The following XPO4 variants were observed in gnomAD, a reference collection of about 807,000 sequenced individuals.
XPO4 encodes the protein exportin 4.
Under a neutral mutation model 143.0 loss-of-function variants are expected in XPO4, and 39 were observed. The ratio of observed to expected loss-of-function variants is 0.27; its 90% confidence interval spans 0.21 to 0.36. XPO4 has a LOEUF of 0.36. XPO4 is among the 10% of genes least tolerant of loss of function. XPO4 has a pLI of 1.00. For synonymous variants in XPO4, 439 were observed against 474.0 expected (o/e 0.93, Z 0.96); for missense variants, 907 against 1,348.0 (o/e 0.67, Z 5.12).
chr13:20,843,556 G>A (rs1207623848), intron 5 of XPO4, among the ~76,000 whole-genome samples: 1 of 152,168 alleles, frequency 6.6e-6, no homozygotes, highest in Non-Finnish European at 1.5e-5. Flanking sequence ...TAGAAGTATT[G>A]TTTTTAAGAC....
intron 1 of XPO4, among the ~76,000 whole-genome samples, chr13:20,888,778 A>G (rs1202476592): frequency 6.6e-6 from 1 of 152,112 alleles, no homozygotes; most frequent in African/African-American, 2.4e-5. Context: ...CAATTATGAG[A>G]TAAGTCAGAG....
At chr13:20,844,496 A>G (rs756927360) in intron 4 of XPO4, among the ~76,000 whole-genome samples, 1 of 152,216 alleles carries the variant, frequency 6.6e-6, no homozygotes, top group Non-Finnish European at 1.5e-5. Flanking sequence ...TCCCAGACTA[A>G]AACAGTCAAG....
chr13:20,896,398 GCT>G (rs1197042474), intron 1 of XPO4, among the ~76,000 whole-genome samples: 5 of 152,150 alleles, frequency 3.3e-5, no homozygotes. Context: ...ATTTAATTCA[GCT>G]CTTTTATATT....
rs182398696 is a variant in XPO4 at position 20,897,610 on chromosome 13, T to C, written c.69+5060A>G. Among the ~76,000 whole-genome samples the C allele has an allele frequency of 4.6e-5, 7 of 152,326 alleles. No individual in the cohort carries two copies. In the East Asian group the frequency reaches 1.3e-3, roughly 29 times the overall value. On this transcript the variant is annotated intron_variant, in intron 1 of 22. Transcript: ENST00000255305. Reference sequence around the variant, plus strand: ...TCTCCTCAGCATACACAGCATAGTGTCTAACATGCTGTGTTTCTATATACT... The same window carrying C: ...TCTCCTCAGCATACACAGCATAGTGCCTAACATGCTGTGTTTCTATATACT...
At chr13:20,835,101 C>T (rs535443517) in intron 6 of XPO4, among the ~76,000 whole-genome samples, 3 of 152,282 alleles carry the variant, frequency 2.0e-5, no homozygotes, top group East Asian at 3.9e-4. Flanking sequence ...AACTCCTAAG[C>T]TCAAGCCATA....
At chr13:20,835,696 T>C (rs1040381349) in intron 6 of XPO4, among the ~76,000 whole-genome samples, 1 of 152,224 alleles carries the variant, frequency 6.6e-6, no homozygotes, top group Non-Finnish European at 1.5e-5. Flanking sequence ...TATAGTTCAG[T>C]TGACCCTTGA....
chr13:20,863,985 T>A (rs2060223904), intron 2 of XPO4, among the ~76,000 whole-genome samples: 1 of 152,132 alleles, frequency 6.6e-6, no homozygotes, highest in South Asian at 2.1e-4. Flanking sequence ...CTATATAAAT[T>A]CCTATCGTAT....
chr13:20,893,584 C>T (rs759405104), intron 1 of XPO4, among the ~76,000 whole-genome samples: 6 of 151,850 alleles, frequency 4.0e-5, no homozygotes, highest in Non-Finnish European at 8.8e-5. Flanking sequence ...GGTGAAACCC[C>T]GTCTCTACTA....
At chr13:20,885,896 C>G (rs1369930911) in intron 1 of XPO4, among the ~76,000 whole-genome samples, 1 of 151,950 alleles carries the variant, frequency 6.6e-6, no homozygotes, top group East Asian at 1.9e-4. Flanking sequence ...GAATTTAGGG[C>G]AAAATATTAC....
intron 5 of XPO4, 132 bp from the exon 6 acceptor site, chr13:20,843,180 AT>A: frequency 3.4e-6 from 3 of 872,192 alleles, no homozygotes; most frequent in Non-Finnish European, 5.1e-6. Flanking sequence ...AACGTGTTCC[AT>A]TTTTAGGCCT....
chr13:20,865,419 G>C (rs1026741369), intron 2 of XPO4: 1 of 981,534 alleles, frequency 1.0e-6, no homozygotes, highest in Non-Finnish European at 1.2e-6. Context: ...TTACAGGTGT[G>C]AGCCACCACA....
intron 9 of XPO4, among the ~76,000 whole-genome samples, chr13:20,812,993 T>C (rs748289345): frequency 3.3e-5 from 5 of 152,216 alleles, no homozygotes; most frequent in Non-Finnish European, 7.3e-5. Context: ...AGAGGTTTAA[T>C]TGACTCACAG....
chr13:20,808,305 G>A, intron 12 of XPO4, 131 bp downstream of exon 12: 1 of 951,878 alleles, frequency 1.1e-6, no homozygotes, highest in Non-Finnish European at 1.4e-6. Flanking sequence ...ATAGTTCTAT[G>A]ACAGAAAATG....
intron 4 of XPO4, among the ~76,000 whole-genome samples, chr13:20,855,011 C>T (rs1173445072): frequency 1.3e-5 from 2 of 151,948 alleles, no homozygotes; most frequent in Admixed American, 1.3e-4. Context: ...AAACAAAGTT[C>T]AATAGAAACG....
intron 13 of XPO4, 60 bp from the exon 14 acceptor site, chr13:20,801,050 AT>A: frequency 1.9e-6 from 3 of 1,577,152 alleles, no homozygotes; most frequent in East Asian, 2.3e-5. Context: ...GTCTAATCAT[AT>A]TTTTTTCCTT....
chr13:20,902,092 C>A, intron 1 of XPO4: 2 of 985,376 alleles, frequency 2.0e-6, no homozygotes, highest in Non-Finnish European at 2.4e-6. Flanking sequence ...CAAGTTTTGC[C>A]CCAATGACCT....
chr13:20,831,109 A>G (rs945859909), intron 6 of XPO4, among the ~76,000 whole-genome samples: 9 of 152,138 alleles, frequency 5.9e-5, no homozygotes, highest in African/African-American at 2.2e-4. Flanking sequence ...AATAATTCTT[A>G]TAAGAAATCA....
chr13:20,835,423 C>G (rs2059904093), intron 6 of XPO4, among the ~76,000 whole-genome samples: 1 of 152,166 alleles, frequency 6.6e-6, no homozygotes, highest in South Asian at 2.1e-4. Flanking sequence ...CTGGTCAAAT[C>G]AGCACTTAAT....
chr13:20,900,381 CA>C (rs1186187921), intron 1 of XPO4, among the ~76,000 whole-genome samples: 19 of 142,136 alleles, frequency 1.3e-4, no homozygotes, highest in Admixed American at 4.2e-4. Context: ...GAGACTTGGT[CA>C]AAAAAAAAAG....
Sources: gnomAD v4.1 joint callset for allele counts (sites outside exome capture counted in the v4.1 genomes callset) on GRCh38, gnomAD v4.1.1 for gene constraint, MANE v1.5 for transcripts, NCBI Gene and HGNC (gene_info 2026-07-23, HGNC 2026-07-21) for gene names.